The following PCDHGB3 variants were observed in gnomAD, a reference collection of about 807,000 sequenced individuals.
PCDHGB3 encodes the protein protocadherin gamma subfamily B, 3, also known as protocadherin gamma-B3.
PCDHGB3 carries 40 observed loss-of-function variants against 59.2 expected under a neutral mutation model. That is an observed-to-expected ratio of 0.68 (90% CI 0.52 to 0.88). The LOEUF (loss-of-function observed/expected upper bound fraction) is 0.88. PCDHGB3 is among the 40% of genes least tolerant of loss of function. The pLI is 0.00. For synonymous variants in PCDHGB3, 581 were observed against 503.6 expected, an observed-to-expected ratio of 1.15 and a Z score of -2.06; for missense variants, 1,309 against 1,187.9, an observed-to-expected ratio of 1.10 and a Z score of -1.50.
At chr5:141,414,221 C>A in intron 1 of PCDHGB3, 1 of 1,613,126 alleles carries the variant, frequency 6.2e-7, no homozygotes, top group Non-Finnish European at 8.5e-7. Flanking sequence ...GACAACAGTC[C>A]AGAGCTGACC....
Position 141,431,041 on chromosome 5 carries a change from G to C in PCDHGB3, c.2415+58232G>C, listed in dbSNP as rs2097339173. On this transcript the variant is annotated intron_variant, in intron 1 of 3. Coordinates refer to ENST00000576222, the MANE Select transcript of PCDHGB3 (RefSeq NM_018924.5). The surrounding 1 kb of genome is among the most constrained non-coding windows in gnomAD (Gnocchi z 4.8). ...CGGCGGGCAGGATAGACCGGGAGGA[G>C]CTCTGTATGGGGGCCATCAAGTGTC... The C allele has an allele frequency of 6.2e-7, 1 of 1,614,116 alleles. No homozygotes were observed. Among genetic ancestry groups the C allele is most frequent in the Non-Finnish European group, 8.5e-7 (1 of 1,180,046 alleles).
intron 1 of PCDHGB3, among the ~76,000 whole-genome samples, chr5:141,469,375 G>C (rs942714664): frequency 2.0e-5 from 3 of 152,076 alleles, no homozygotes; most frequent in African/African-American, 7.2e-5. Flanking sequence ...AAGAGATCGA[G>C]ACCATCCTGG....
chr5:141,388,016 C>T lies in PCDHGB3; in HGVS notation c.2415+15207C>T, dbSNP rs1026420398. Reference sequence around the variant, plus strand: ...GGATTCCCGAGGAAATGCCCAAGGGCTCCGTAGTGGGGAACCTCGCCACGG... The same window carrying T: ...GGATTCCCGAGGAAATGCCCAAGGGTTCCGTAGTGGGGAACCTCGCCACGG... On this transcript the variant is annotated intron_variant, in intron 1 of 3. Coordinates refer to ENST00000576222, the MANE Select transcript of PCDHGB3 (RefSeq NM_018924.5). 4.1e-6 allele frequency: 6 copies of T among 1,465,422 alleles called. No individual in the cohort carries two copies. In the African/African-American group the frequency reaches 7.1e-5, roughly 17 times the overall value. The allele number at this position is 1,465,422 out of a possible 1,614,324, so 90.8% of individuals were successfully genotyped here.
intron 1 of PCDHGB3, chr5:141,374,879 G>C (rs767481676): frequency 6.2e-7 from 1 of 1,613,694 alleles, no homozygotes; most frequent in Admixed American, 1.7e-5. Flanking sequence ...GGCAGTGACT[G>C]CCACCGACCA....
At chr5:141,418,872 T>C (rs1351483025) in intron 1 of PCDHGB3, 11 of 1,613,996 alleles carry the variant, frequency 6.8e-6, no homozygotes, top group East Asian at 2.2e-5. Context: ...GTAGAAGTTG[T>C]AGACGAAAAC....
intron 1 of PCDHGB3, chr5:141,394,020 A>G (rs1311759353): frequency 6.2e-7 from 1 of 1,613,426 alleles, no homozygotes; most frequent in African/African-American, 1.3e-5. Context: ...TAATTATTAT[A>G]GATTAGTGAC....
At position 141,485,291 on chromosome 5, in the gene PCDHGB3, C is replaced by A. The variant is rs114678203; in HGVS notation, c.2416-9516C>A. 436 of 1,614,150 alleles carry A rather than the reference C, an allele frequency of 2.7e-4. No homozygotes were observed. Among genetic ancestry groups the A allele is most frequent in the Middle Eastern group, 8.2e-4 (5 of 6,062 alleles). Reference sequence around the variant, plus strand: ...CCGCTACCCGGTCCCAGAGGAGTCACAGGAAGGGACTTTTGTAGGGAATGT... The same window carrying A: ...CCGCTACCCGGTCCCAGAGGAGTCAAAGGAAGGGACTTTTGTAGGGAATGT... On this transcript the variant is annotated intron_variant, in intron 1 of 3. Coordinates refer to ENST00000576222, the MANE Select transcript of PCDHGB3 (RefSeq NM_018924.5). The surrounding 1 kb of genome is among the most constrained non-coding windows in gnomAD (Gnocchi z 5.7).
chr5:141,486,760 G>C lies in PCDHGB3; in HGVS notation c.2416-8047G>C. ...GATCCTTTGACTATGAGCAAACCCAGACACTGCAGTTTGAGGTGCAGGCCC... is the reference window on the plus strand; with the variant it reads ...GATCCTTTGACTATGAGCAAACCCACACACTGCAGTTTGAGGTGCAGGCCC... On this transcript the variant is annotated intron_variant, in intron 1 of 3. Transcript: ENST00000576222. This position sits in a 1 kb window ranked among gnomAD's most constrained non-coding sequence, Gnocchi z 5.0. 1.2e-6 allele frequency: 2 copies of C among 1,614,240 alleles called. No homozygotes were observed. The highest frequency in any genetic ancestry group is 2.2e-5 in the South Asian group (2 of 91,086).
intron 1 of PCDHGB3, chr5:141,383,361 A>C: frequency 6.2e-7 from 1 of 1,614,022 alleles, no homozygotes; most frequent in Non-Finnish European, 8.5e-7. Flanking sequence ...GGTTTCCGTT[A>C]AGCGAGGCTG....
chr5:141,422,077 A>C (rs2096622436), intron 1 of PCDHGB3: 1 of 1,612,340 alleles, frequency 6.2e-7, no homozygotes, highest in Admixed American at 1.7e-5. Flanking sequence ...TTCATTTCGG[A>C]ACATGGAAAG....
At position 141,511,563 on chromosome 5, in the gene PCDHGB3, C is replaced by T. The variant is rs911782127; in HGVS notation, c.*390C>T. ...CCCCACTCCAACAGTTCCTCTTTCCCGAGTAAGGTGGTTGGGGTGTTGAAG... is the reference window on the plus strand; with the variant it reads ...CCCCACTCCAACAGTTCCTCTTTCCTGAGTAAGGTGGTTGGGGTGTTGAAG... On this transcript the variant is annotated 3_prime_UTR_variant, in exon 4 of 4. Coordinates refer to ENST00000576222, the MANE Select transcript of PCDHGB3 (RefSeq NM_018924.5). The T allele has an allele frequency of 7.8e-5, 23 of 295,048 alleles. No homozygotes were observed. The highest frequency in any genetic ancestry group is 3.4e-4 in the African/African-American group (16 of 46,532). The allele number at this position is 295,048 out of a possible 1,614,324, so 18.3% of individuals were successfully genotyped here. A position where few individuals can be genotyped will look rare whatever the true frequency, so the allele number is the denominator to read the frequency against.
chr5:141,430,017 CTTG>C (rs1203011013), intron 1 of PCDHGB3, among the ~76,000 whole-genome samples: 6 of 152,096 alleles, frequency 3.9e-5, no homozygotes, highest in African/African-American at 1.2e-4. Context: ...CACTTGGGTT[CTTG>C]TTAAGTGTGA....
intron 1 of PCDHGB3, among the ~76,000 whole-genome samples, chr5:141,474,062 C>G (rs745636246): frequency 6.6e-6 from 1 of 152,104 alleles, no homozygotes; most frequent in Non-Finnish European, 1.5e-5. Flanking sequence ...AGAGCGAGAT[C>G]CTGCCTCAGA....
Position 141,370,553 on chromosome 5 carries a change from C to T in PCDHGB3, c.159C>T (p.Asp53=). The part of the protein sequence containing the change: ...RGSLVGNLAK[D]LGFGVGDLPT... The stretch of plus-strand genomic sequence containing the variant: ...CGCTGGTAGGGAACCTCGCCAAGGA[C>T]CTGGGGTTTGGCGTGGGGGATTTAC... The change falls in exon 1 of 4, where the codon GAC becomes GAT. Residue 53 remains aspartate (D), a synonymous_variant. Coordinates refer to ENST00000576222, the MANE Select transcript of PCDHGB3 (RefSeq NM_018924.5). 1 of 1,613,810 alleles carries T rather than the reference C, an allele frequency of 6.2e-7. No homozygotes were observed. Among genetic ancestry groups the T allele is most frequent in the African/African-American group, 1.3e-5 (1 of 74,978 alleles).
Position 141,371,387 on chromosome 5 carries a change from T to A in PCDHGB3, c.993T>A (p.Cys331Ter). The A allele has an allele frequency of 6.2e-7, 1 of 1,613,964 alleles. No individual in the cohort carries two copies. The highest frequency in any genetic ancestry group is 8.5e-7 in the Non-Finnish European group (1 of 1,179,886). ...ATGGTGGACATCACACTGCATATTG[T>A]AAAGTACAGATAGATATTTCAGATG... ...AKDGGHHTAY[C>*]KVQIDISDEN... The change falls in exon 1 of 4, where the codon TGT becomes TGA. Residue 331 changes from cysteine to a stop codon, truncating the protein, a stop_gained. Transcript: ENST00000576222. LOFTEE classifies it high-confidence loss of function.
chr5:141,374,993 T>G (rs1439480761), intron 1 of PCDHGB3: 1 of 1,613,938 alleles, frequency 6.2e-7, no homozygotes, highest in Non-Finnish European at 8.5e-7. Flanking sequence ...AATTTCAACT[T>G]CTGCAAATCT....
At chr5:141,473,369 G>T (rs888984972) in intron 1 of PCDHGB3, among the ~76,000 whole-genome samples, 1 of 152,200 alleles carries the variant, frequency 6.6e-6, no homozygotes, top group Non-Finnish European at 1.5e-5. Flanking sequence ...CACCAAAATA[G>T]CATGGTCCCT....
chr5:141,388,324 A>G, intron 1 of PCDHGB3: 1 of 1,613,978 alleles, frequency 6.2e-7, no homozygotes, highest in Non-Finnish European at 8.5e-7. Context: ...GAGTCTGCAC[A>G]GCCTGGCACA....
Position 141,500,251 on chromosome 5 carries a change from C to T in PCDHGB3, c.2475-5142C>T, listed in dbSNP as rs187199142. Among the ~76,000 whole-genome samples, 1,493 of 151,438 alleles carry T rather than the reference C, an allele frequency of 9.9e-3. 32 individuals are homozygous for T. Among genetic ancestry groups the T allele is most frequent in the African/African-American group, 0.035 (1,426 of 41,214 alleles). Reference sequence around the variant, plus strand: ...TGATACGTAGCCTTGCTCTGTCACCCAGGCTGGACTGCAGTGGCGCAATCT... The same window carrying T: ...TGATACGTAGCCTTGCTCTGTCACCTAGGCTGGACTGCAGTGGCGCAATCT... On this transcript the variant is annotated intron_variant, in intron 2 of 3. Coordinates refer to ENST00000576222, the MANE Select transcript of PCDHGB3 (RefSeq NM_018924.5).
Sources: allele counts gnomAD v4.1 joint callset (sites outside exome capture counted in the v4.1 genomes callset), GRCh38; gene constraint gnomAD v4.1.1; non-coding constraint Gnocchi (gnomAD v3.1); transcripts MANE v1.5; gene names NCBI Gene and HGNC (gene_info 2026-07-23, HGNC 2026-07-21).